Variants in MAGI2 observed in about 807,000 individuals in gnomAD.
MAGI2 encodes the protein membrane-associated guanylate kinase, WW and PDZ domain-containing protein 2.
In MAGI2, 35 loss-of-function variants were observed where a neutral mutation model predicts 133.3. The ratio of observed to expected loss-of-function variants is 0.26; its 90% CI spans 0.20 to 0.35. MAGI2 has a LOEUF of 0.35. Ranked by LOEUF, MAGI2 falls within the 10% of genes least tolerant of loss-of-function variation. MAGI2 has a pLI of 1.00. For synonymous variants in MAGI2, 729 were observed against 710.6 expected (o/e 1.03, Z -0.41); for missense variants, 1,636 against 1,863.4 (o/e 0.88, Z 2.25).
At chr7:78,422,035 T>G (rs1169879362) in intron 6 of MAGI2, among the ~76,000 whole-genome samples, 1 of 152,136 alleles carries the variant, frequency 6.6e-6, no homozygotes, top group Non-Finnish European at 1.5e-5. Context: ...TTGGGCCAAT[T>G]TCAATGTGTA....
At chr7:79,170,388 T>C (rs1036994299) in intron 1 of MAGI2, among the ~76,000 whole-genome samples, 1 of 151,810 alleles carries the variant, frequency 6.6e-6, no homozygotes, top group Non-Finnish European at 1.5e-5. Flanking sequence ...TTTGCCCAAG[T>C]TGGTCTCAAA....
chr7:78,907,288 C>T (rs1798061399), intron 2 of MAGI2, among the ~76,000 whole-genome samples: 1 of 152,136 alleles, frequency 6.6e-6, no homozygotes, highest in Non-Finnish European at 1.5e-5. Context: ...GATGTTAAAT[C>T]ATTCTTCTGT....
chr7:78,785,521 C>A (rs142878101), intron 2 of MAGI2, among the ~76,000 whole-genome samples: 1 of 152,150 alleles, frequency 6.6e-6, no homozygotes, highest in Non-Finnish European at 1.5e-5. Context: ...CACTTTTCTG[C>A]TCTGGGGATA....
chr7:78,075,849 G>T (rs1815232480), intron 21 of MAGI2, among the ~76,000 whole-genome samples: 1 of 152,136 alleles, frequency 6.6e-6, no homozygotes, highest in African/African-American at 2.4e-5. Context: ...AAGATGCTAT[G>T]ATCCTTAATC....
intron 2 of MAGI2, among the ~76,000 whole-genome samples, chr7:78,907,069 T>G (rs1798048196): frequency 6.6e-6 from 1 of 152,090 alleles, no homozygotes; most frequent in South Asian, 2.1e-4. Context: ...TTAAAACATT[T>G]GAGAGTAGAG....
chr7:78,617,181 A>T (rs1041652809), intron 3 of MAGI2: 2 of 152,156 alleles, frequency 1.3e-5, no homozygotes, highest in African/African-American at 2.4e-5. Flanking sequence ...AGTCCAGGAA[A>T]ATGACAAATT....
chr7:78,808,794 T>C lies in MAGI2; in HGVS notation c.419-181555A>G, dbSNP rs141470034. Among the ~76,000 whole-genome samples, 359 of 152,256 alleles carry C rather than the reference T, an allele frequency of 2.4e-3. 2 individuals are homozygous for C. Among genetic ancestry groups the C allele is most frequent in the African/African-American group, 8.2e-3 (342 of 41,558 alleles). On this transcript the variant is annotated intron_variant, in intron 2 of 21. Coordinates refer to ENST00000354212, the MANE Select transcript of MAGI2 (RefSeq NM_012301.4). ...TGGGGGAGATATGGGAGCACCCCAC[T>C]TCCACATCAGCAGAGGCAGCCCTGC...
chr7:78,495,659 G>T (rs1247254646), intron 5 of MAGI2, among the ~76,000 whole-genome samples: 2 of 152,138 alleles, frequency 1.3e-5, no homozygotes, highest in African/African-American at 4.8e-5. Flanking sequence ...TACTGTCAAT[G>T]AGTTCTTTAG....
chr7:78,426,452 G>T (rs1274137979), intron 6 of MAGI2, among the ~76,000 whole-genome samples: 1 of 152,026 alleles, frequency 6.6e-6, no homozygotes, highest in East Asian at 1.9e-4. Flanking sequence ...TCTGGGGACT[G>T]TTGTGGGGTG....
intron 9 of MAGI2, among the ~76,000 whole-genome samples, chr7:78,296,386 C>CT (rs1264556474): frequency 6.6e-6 from 1 of 152,156 alleles, no homozygotes; most frequent in Non-Finnish European, 1.5e-5. Flanking sequence ...CTAGTATGCC[C>CT]TTGCCTCACA....
chr7:79,066,994 C>T (rs1814410288), intron 1 of MAGI2, among the ~76,000 whole-genome samples: 1 of 152,146 alleles, frequency 6.6e-6, no homozygotes, highest in African/African-American at 2.4e-5. Flanking sequence ...CAGTACCATG[C>T]TGTTTTGGTT....
At chr7:78,879,293 C>T (rs1260838650) in intron 2 of MAGI2, among the ~76,000 whole-genome samples, 4 of 152,182 alleles carry the variant, frequency 2.6e-5, no homozygotes, top group African/African-American at 9.6e-5. Flanking sequence ...CTGTGCACTA[C>T]ATGGATCAGC....
chr7:78,235,043 C>T (rs1454973313), intron 10 of MAGI2, among the ~76,000 whole-genome samples: 3 of 151,988 alleles, frequency 2.0e-5, no homozygotes, highest in East Asian at 3.8e-4. Flanking sequence ...TTATTGTATA[C>T]TGGTTATTTT....
intron 4 of MAGI2, among the ~76,000 whole-genome samples, chr7:78,520,482 A>C (rs1796401816): frequency 6.6e-6 from 1 of 152,156 alleles, no homozygotes; most frequent in Non-Finnish European, 1.5e-5. Context: ...TATCTTAAGA[A>C]TAATATGTAT....
chr7:79,089,056 ACAGAATCTAATGTATC>A (rs1816801942), intron 1 of MAGI2, among the ~76,000 whole-genome samples: 1 of 152,122 alleles, frequency 6.6e-6, no homozygotes, highest in Non-Finnish European at 1.5e-5. Flanking sequence ...TATCCATCTG[ACAGAATCTAATGTATC>A]CAGAATCTAC....
At position 78,572,889 on chromosome 7, in the gene MAGI2, C is replaced by T. The variant is rs187507442; in HGVS notation, c.539-51244G>A. ...GTTGGTCAGGCTGGTCTCAAACTCT[C>T]GACCTCAGGTGATCCGCCTCACTCG... On this transcript the variant is annotated intron_variant, in intron 3 of 21. Transcript: ENST00000354212. Among the ~76,000 whole-genome samples the T allele has an allele frequency of 1.1e-3, 164 of 150,442 alleles. 1 individual carries two copies. Among genetic ancestry groups the T allele is most frequent in the African/African-American group, 3.6e-3 (149 of 40,938 alleles).
chr7:79,084,806 C>G (rs1166143421), intron 1 of MAGI2, among the ~76,000 whole-genome samples: 1 of 151,692 alleles, frequency 6.6e-6, no homozygotes, highest in Non-Finnish European at 1.5e-5. Flanking sequence ...AATTTATCCT[C>G]TATTTTGAAA....
At chr7:78,399,804 CAA>C (rs3061269) in intron 6 of MAGI2, among the ~76,000 whole-genome samples, 9 of 69,706 alleles carry the variant, frequency 1.3e-4, no homozygotes, top group African/African-American at 2.2e-4. Context: ...GACTTTGTAT[CAA>C]AAAAAAAAAA....
chr7:79,287,978 A>G (rs1452265715), intron 1 of MAGI2, among the ~76,000 whole-genome samples: 4 of 152,154 alleles, frequency 2.6e-5, no homozygotes, highest in Non-Finnish European at 4.4e-5. Context: ...AAAAACAAAA[A>G]TCATCTTTAA....
Sources: allele counts gnomAD v4.1 joint callset (sites outside exome capture counted in the v4.1 genomes callset), GRCh38; gene constraint gnomAD v4.1.1; transcripts MANE v1.5; gene names NCBI Gene and HGNC (gene_info 2026-07-23, HGNC 2026-07-21).